INTS10: variants seen among roughly 807,000 people sequenced by gnomAD.
INTS10 encodes the protein chromosome 8 open reading frame 35.
A neutral mutation model predicts 94.4 loss-of-function variants in INTS10; 44 were observed. The observed-to-expected ratio is 0.47, with a 90% CI of 0.37 to 0.60. The LOEUF (loss-of-function observed/expected upper bound fraction) is 0.60. Ranked by LOEUF, INTS10 falls within the 20% of genes least tolerant of loss-of-function variation. The probability of loss-of-function intolerance (pLI) is 0.00; values close to 1 mark genes in which losing one functional copy is unlikely to be tolerated. For synonymous variants in INTS10, 341 were observed against 320.7 expected, an observed-to-expected ratio of 1.06 and a Z score of -0.68; for missense variants, 797 against 868.7, an observed-to-expected ratio of 0.92 and a Z score of 1.04.
At position 19,830,437 on chromosome 8, in the gene INTS10, G is replaced by A; in HGVS notation, c.1172G>A (p.Gly391Glu). The A allele has an allele frequency of 6.2e-7, 1 of 1,613,970 alleles. No homozygotes were observed. The highest frequency in any genetic ancestry group is 8.5e-7 in the Non-Finnish European group (1 of 1,179,944). The change falls in exon 10 of 17, where the codon GGA (glycine) becomes GAA (glutamate). Residue 391 changes from glycine (G) to glutamate (E), a missense_variant. Gly to Glu is a moderately conservative substitution (Grantham distance 98). Transcript: ENST00000397977. ...SSDDEDCSAK[G>E]RNRHIVVNKA... The stretch of plus-strand genomic sequence containing the variant: ...GACGATGAAGACTGTTCGGCGAAAG[G>A]AAGAAATCGTCACATTGTAGTCAAT...
chr8:19,845,774 A>C lies in INTS10; in HGVS notation c.1953A>C (p.Leu651=). The change falls in exon 16 of 17, where the codon CTA becomes CTC. Residue 651 remains leucine (L), a synonymous_variant. Coordinates refer to ENST00000397977, the MANE Select transcript of INTS10 (RefSeq NM_018142.4). ...GTGGGAAAATTCATCTGGAATTACT[A>C]CCCAATCAAGGAATGCTGATCAAGT... ...QEGGKIHLEL[L]PNQGMLIKHH... is the part of the protein sequence containing the mutation. 1 of 1,613,332 alleles carries C rather than the reference A, an allele frequency of 6.2e-7. No individual in the cohort carries two copies. The highest frequency in any genetic ancestry group is 1.1e-5 in the South Asian group (1 of 91,062).
At chr8:19,837,392 T>A in intron 13 of INTS10, 1 of 473,174 alleles carries the variant, frequency 2.1e-6, no homozygotes, top group Non-Finnish European at 3.8e-6. Context: ...TTACAGTTCC[T>A]AATGAGATAA....
chr8:19,836,873 C>A (rs2067705366), intron 12 of INTS10, among the ~76,000 whole-genome samples, 179 bp from the exon 13 acceptor site: 1 of 152,026 alleles, frequency 6.6e-6, no homozygotes, highest in African/African-American at 2.4e-5. Context: ...AGCTTTGAGT[C>A]TTATTCTTTA....
chr8:19,837,244 C>A, intron 13 of INTS10, 84 bp downstream of exon 13: 1 of 874,382 alleles, frequency 1.1e-6, no homozygotes, highest in South Asian at 1.4e-5. Context: ...ATCTCAGCTA[C>A]TCGGAAGTCG....
intron 2 of INTS10, among the ~76,000 whole-genome samples, chr8:19,819,032 G>A (rs1041902361): frequency 2.0e-5 from 3 of 152,038 alleles, no homozygotes; most frequent in Admixed American, 2.0e-4. Flanking sequence ...AATTTGATAC[G>A]CTATGAAATT....
In INTS10 at chr8:19,849,362, C is replaced by T. The variant is rs1051125684; in HGVS notation, c.1977-2287C>T. 8.3e-6 allele frequency: 3 copies of T among 361,370 alleles called. No individual in the cohort carries two copies. In the Admixed American group the frequency reaches 1.2e-4, roughly 14 times the overall value. The allele number at this position is 361,370 out of a possible 1,614,324, so 22.4% of individuals were successfully genotyped here. A position where few individuals can be genotyped will look rare whatever the true frequency, so the allele number is the denominator to read the frequency against. On this transcript the variant is annotated intron_variant, in intron 16 of 16. Transcript: ENST00000397977. The surrounding 1 kb of genome is among the most constrained non-coding windows in gnomAD (Gnocchi z 4.6). ...TGCTTTCTTTCTTTTTTAATTTGTT[C>T]CGCATTTTGGCAAACCATCTGGTTG...
At chr8:19,837,213 G>C in intron 13 of INTS10, 53 bp downstream of exon 13, 2 of 1,132,640 alleles carry the variant, frequency 1.8e-6, no homozygotes, top group Non-Finnish European at 2.7e-6. Context: ...AGAAAGCCAG[G>C]CACGGTGGCT....
At chr8:19,829,777 T>C (rs919913501) in intron 9 of INTS10, among the ~76,000 whole-genome samples, 1 of 152,174 alleles carries the variant, frequency 6.6e-6, no homozygotes, top group Admixed American at 6.5e-5. Flanking sequence ...TAAGAAATTC[T>C]TGTGTCTCAA....
chr8:19,817,688 C>A, intron 1 of INTS10, 22 bp downstream of exon 1: 1 of 1,595,998 alleles, frequency 6.3e-7, no homozygotes, highest in African/African-American at 1.3e-5. Context: ...GCTGTGCATG[C>A]GGCCGCTCTG....
chr8:19,847,075 A>G (rs1205428224), intron 16 of INTS10, among the ~76,000 whole-genome samples: 1 of 152,190 alleles, frequency 6.6e-6, no homozygotes, highest in Non-Finnish European at 1.5e-5. Context: ...TGTTCATTTT[A>G]GATTTCTGTA....
In INTS10 at chr8:19,822,434, A is replaced by C. The variant is rs751242983; in HGVS notation, c.442-5A>C. ...ATTTAAATGAGTAATTTTGTTTTGA[A>C]ATAGGTTGGCCTTGGGGAGGCACTA... On this transcript the variant is annotated splice_polypyrimidine_tract_variant and splice_region_variant and intron_variant, in intron 4 of 16. Transcript: ENST00000397977. 6.3e-6 allele frequency: 10 copies of C among 1,590,216 alleles called. No homozygotes were observed. Among genetic ancestry groups the C allele is most frequent in the African/African-American group, 1.3e-5 (1 of 74,356 alleles).
intron 13 of INTS10, among the ~76,000 whole-genome samples, chr8:19,840,273 AAAATT>A (rs1182291141): frequency 1.3e-5 from 2 of 152,186 alleles, no homozygotes; most frequent in East Asian, 3.8e-4. Flanking sequence ...ATTTCTGAGA[AAAATT>A]AAAGATTTTT....
Position 19,817,591 on chromosome 8 carries a change from G to T in INTS10, c.54G>T (p.Val18=), listed in dbSNP as rs1563312611. Residue 18 remains valine (V), a synonymous_variant, in exon 1 of 17, where the codon GTG becomes GTT. Coordinates refer to ENST00000397977, the MANE Select transcript of INTS10 (RefSeq NM_018142.4). ...TGGTGCAGCGAGCCCGGGAGTTGGT[G>T]CCGCAAGACCTGTGGGCAGCCAAGG... ...EFLVQRAREL[V]PQDLWAAKAW... 1.2e-6 allele frequency: 2 copies of T among 1,608,726 alleles called. No homozygotes were observed. The highest frequency in any genetic ancestry group is 8.5e-7 in the Non-Finnish European group (1 of 1,178,226).
intron 9 of INTS10, 29 bp from the exon 10 acceptor site, chr8:19,830,374 AATT>A: frequency 6.3e-7 from 1 of 1,591,038 alleles, no homozygotes; most frequent in African/African-American, 1.3e-5. Context: ...TTTATAACTG[AATT>A]AACCATGTTC....
chr8:19,824,997 C>A lies in INTS10; in HGVS notation c.1006+25C>A, dbSNP rs763034636. Reference sequence around the variant, plus strand: ...GGTTGGTTTACAAATTTTAGAGTGTCCAAAAAGCCAGTTCATACTGTGGGG... The same window carrying A: ...GGTTGGTTTACAAATTTTAGAGTGTACAAAAAGCCAGTTCATACTGTGGGG... On this transcript the variant is annotated intron_variant, in intron 8 of 16. Coordinates refer to ENST00000397977, the MANE Select transcript of INTS10 (RefSeq NM_018142.4). 7 of 1,598,278 alleles carry A rather than the reference C, an allele frequency of 4.4e-6. No homozygotes were observed. In the South Asian group the frequency reaches 5.5e-5, roughly 13 times the overall value.
In INTS10 at chr8:19,823,308, T is replaced by C. The variant is rs757057595; in HGVS notation, c.531T>C (p.Asp177=). 7 of 1,607,672 alleles carry C rather than the reference T, an allele frequency of 4.4e-6. No individual in the cohort carries two copies. In the East Asian group the frequency reaches 1.3e-4, roughly 31 times the overall value. Residue 177 remains aspartate, a synonymous_variant, in exon 6 of 17, where the codon GAT becomes GAC. Coordinates refer to ENST00000397977, the MANE Select transcript of INTS10 (RefSeq NM_018142.4). ...VNCFRKLFVC[D]VLPLIINNHD... is the part of the protein sequence containing the mutation. ...CTTTTTCTCCTCCAACAGTTTGTGATGTCCTTCCTCTAATAATTAACAACC... is the reference window on the plus strand; with the variant it reads ...CTTTTTCTCCTCCAACAGTTTGTGACGTCCTTCCTCTAATAATTAACAACC...
chr8:19,837,267 A>G (rs1330450855), intron 13 of INTS10, 107 bp downstream of exon 13: 1 of 732,552 alleles, frequency 1.4e-6, no homozygotes, highest in Non-Finnish European at 2.4e-6. Context: ...GCGGGAGGAT[A>G]GCTTTTGAGC....
chr8:19,836,707 G>C (rs928246692), intron 12 of INTS10, among the ~76,000 whole-genome samples: 3 of 152,152 alleles, frequency 2.0e-5, no homozygotes, highest in African/African-American at 7.2e-5. Flanking sequence ...GTTTTTCTAT[G>C]CAGTGAGTTA....
chr8:19,847,258 C>G (rs1394887690), intron 16 of INTS10, among the ~76,000 whole-genome samples: 1 of 152,148 alleles, frequency 6.6e-6, no homozygotes, highest in Non-Finnish European at 1.5e-5. Context: ...TTTAAAAATA[C>G]ACGAGACCTT....
Sources: allele counts gnomAD v4.1 joint callset (sites outside exome capture counted in the v4.1 genomes callset), GRCh38; gene constraint gnomAD v4.1.1; non-coding constraint Gnocchi (gnomAD v3.1); transcripts MANE v1.5; gene names NCBI Gene and HGNC (gene_info 2026-07-23, HGNC 2026-07-21).